CACNA2D3: variants seen among roughly 807,000 people sequenced by gnomAD.
CACNA2D3 encodes the protein voltage-dependent calcium channel subunit alpha-2/delta-3.
CACNA2D3 carries 60 observed loss-of-function variants against 160.6 expected under a neutral mutation model. That is an observed-to-expected ratio of 0.37 (90% confidence interval 0.30 to 0.46). The LOEUF is 0.46. CACNA2D3 is among the 20% of genes least tolerant of loss of function. The probability of loss-of-function intolerance (pLI) is 1.00; values close to 1 mark genes in which losing one functional copy is unlikely to be tolerated. For synonymous variants in CACNA2D3, 558 were observed against 492.9 expected, an observed-to-expected ratio of 1.13 and a Z score of -1.75; for missense variants, 1,205 against 1,365.0, an observed-to-expected ratio of 0.88 and a Z score of 1.85.
intron 9 of CACNA2D3, among the ~76,000 whole-genome samples, chr3:54,622,209 G>C (rs1699002794): frequency 6.6e-6 from 1 of 152,176 alleles, no homozygotes; most frequent in African/African-American, 2.4e-5. Flanking sequence ...ACTTGTCTCA[G>C]GGGTTCAGTT....
intron 9 of CACNA2D3, 28 bp from the exon 10 acceptor site, chr3:54,627,758 CT>C (rs1699154229): frequency 6.8e-7 from 1 of 1,471,346 alleles, no homozygotes; most frequent in African/African-American, 1.4e-5. Context: ...AGGACAGACA[CT>C]AATGGATTTT....
At chr3:54,517,146 T>C (rs1230919175) in intron 5 of CACNA2D3, among the ~76,000 whole-genome samples, 1 of 151,998 alleles carries the variant, frequency 6.6e-6, no homozygotes, top group Non-Finnish European at 1.5e-5. Context: ...CTCAAGAAGG[T>C]TAGTTATTTC....
intron 3 of CACNA2D3, among the ~76,000 whole-genome samples, chr3:54,368,222 C>T (rs893013154): frequency 6.6e-6 from 1 of 152,148 alleles, no homozygotes; most frequent in Non-Finnish European, 1.5e-5. Flanking sequence ...GTAATCTCAG[C>T]ACTTTGGAAG....
At position 54,809,564 on chromosome 3, in the gene CACNA2D3, C is replaced by T. The variant is rs576641026; in HGVS notation, c.1381-7289C>T. On this transcript the variant is annotated intron_variant, in intron 13 of 37. Transcript: ENST00000474759. ...CGATCTCCTGACCTCATGATCCACCCGCCTCGGCCTCCCAAAGTGCTGGGA... is the reference window on the plus strand; with the variant it reads ...CGATCTCCTGACCTCATGATCCACCTGCCTCGGCCTCCCAAAGTGCTGGGA... Among the ~76,000 whole-genome samples, 7 of 140,360 alleles carry T rather than the reference C, an allele frequency of 5.0e-5. 1 individual carries two copies. Among genetic ancestry groups the T allele is most frequent in the African/African-American group, 9.5e-5 (3 of 31,616 alleles). 92.1% of individuals were successfully genotyped at this position (140,360 alleles called of 152,430 possible).
chr3:54,357,796 A>C (rs770932222), intron 3 of CACNA2D3, among the ~76,000 whole-genome samples: 3 of 152,246 alleles, frequency 2.0e-5, no homozygotes, highest in Non-Finnish European at 2.9e-5. Flanking sequence ...GCAACCTGCT[A>C]AGTGAAAGAA....
At chr3:54,350,286 A>G (rs73841994) in intron 3 of CACNA2D3, among the ~76,000 whole-genome samples, 6,033 of 152,206 alleles carry the variant, frequency 0.04, 370 homozygotes, top group African/African-American at 0.13. Context: ...TAGTTCTTAT[A>G]TGTTTATTTA....
chr3:54,257,316 A>G (rs1016561479), intron 2 of CACNA2D3, among the ~76,000 whole-genome samples: 1 of 152,200 alleles, frequency 6.6e-6, no homozygotes, highest in Admixed American at 6.5e-5. Flanking sequence ...ATCTGATTCA[A>G]ATCAACTTAC....
At chr3:54,269,822 G>T (rs2107449509) in intron 2 of CACNA2D3, among the ~76,000 whole-genome samples, 1 of 152,312 alleles carries the variant, frequency 6.6e-6, no homozygotes, top group African/African-American at 2.4e-5. Flanking sequence ...TTGTTTGTTT[G>T]TTTCATGAAT....
chr3:54,739,950 A>G (rs915422834), intron 11 of CACNA2D3, among the ~76,000 whole-genome samples: 26 of 152,134 alleles, frequency 1.7e-4, no homozygotes, highest in African/African-American at 6.3e-4. Flanking sequence ...GGCAGAGACC[A>G]TATGGATTTT....
At chr3:54,504,313 T>C (rs1191039035) in intron 5 of CACNA2D3, among the ~76,000 whole-genome samples, 3 of 152,312 alleles carry the variant, frequency 2.0e-5, no homozygotes, top group Non-Finnish European at 4.4e-5. Flanking sequence ...GTTGGAATTA[T>C]AGTGGCCAAG....
At chr3:54,331,634 A>G (rs189007259) in intron 3 of CACNA2D3, among the ~76,000 whole-genome samples, 1 of 152,342 alleles carries the variant, frequency 6.6e-6, no homozygotes, top group Admixed American at 6.5e-5. Flanking sequence ...GATTTAAAAA[A>G]TTCTTGGCTG....
chr3:54,337,185 A>G (rs73841980), intron 3 of CACNA2D3, among the ~76,000 whole-genome samples: 1,792 of 152,338 alleles, frequency 0.012, 38 homozygotes, highest in African/African-American at 0.041. Context: ...CAGTAGTGCA[A>G]AGGTGGAAAG....
intron 11 of CACNA2D3, among the ~76,000 whole-genome samples, chr3:54,728,705 A>G (rs571908491): frequency 3.6e-4 from 55 of 152,342 alleles, no homozygotes; most frequent in African/African-American, 1.3e-3. Flanking sequence ...AATACAGGCA[A>G]AGTATCTTGA....
chr3:54,685,817 C>A (rs1224098786), intron 11 of CACNA2D3, among the ~76,000 whole-genome samples: 3 of 152,162 alleles, frequency 2.0e-5, no homozygotes, highest in Non-Finnish European at 4.4e-5. Context: ...TCACCTGATT[C>A]CTTCCTCCAC....
At chr3:55,065,719 GAAGGGAAGGAAAGGAAGGA>G (rs1392096763) in intron 35 of CACNA2D3, among the ~76,000 whole-genome samples, 41 of 150,776 alleles carry the variant, frequency 2.7e-4, no homozygotes, top group Admixed American at 8.6e-4. Context: ...GAGGTGGGGG[GAAGGGAAGGAAAGGAAGGA>G]AAGGGAAGGA....
At chr3:54,895,509 C>T (rs1048859897) in intron 25 of CACNA2D3, among the ~76,000 whole-genome samples, 1 of 152,320 alleles carries the variant, frequency 6.6e-6, no homozygotes, top group East Asian at 1.9e-4. Context: ...TAGACACACC[C>T]TGCAACTACT....
chr3:54,695,916 G>T (rs1467553073), intron 11 of CACNA2D3, among the ~76,000 whole-genome samples: 3 of 152,208 alleles, frequency 2.0e-5, no homozygotes, highest in African/African-American at 7.2e-5. Context: ...TGTGAAGTCA[G>T]ATGATCAGAT....
intron 2 of CACNA2D3, among the ~76,000 whole-genome samples, chr3:54,295,396 C>T (rs988484920): frequency 8.6e-5 from 13 of 151,258 alleles, no homozygotes; most frequent in Non-Finnish European, 4.4e-5. Context: ...TAAGGACGTG[C>T]CCATGACACA....
intron 2 of CACNA2D3, among the ~76,000 whole-genome samples, chr3:54,146,594 AG>A (rs147504052): frequency 6.6e-6 from 1 of 151,868 alleles, no homozygotes; most frequent in East Asian, 1.9e-4. Flanking sequence ...AATGTGGGGA[AG>A]GGGGGCGTGG....
Sources: allele counts gnomAD v4.1 joint callset (sites outside exome capture counted in the v4.1 genomes callset), GRCh38; gene constraint gnomAD v4.1.1; transcripts MANE v1.5; gene names NCBI Gene and HGNC (gene_info 2026-07-23, HGNC 2026-07-21).